VTA1: variants seen among roughly 807,000 people sequenced by gnomAD.
The protein encoded by VTA1 is vesicle trafficking 1, also known as vacuolar protein sorting-associated protein VTA1 homolog.
In VTA1, 24 loss-of-function variants were observed where a neutral mutation model predicts 36.9. That is an observed-to-expected ratio of 0.65 (90% CI 0.47 to 0.91). The LOEUF is 0.91. VTA1 is among the 40% of genes least tolerant of loss of function. The pLI is 0.00. For synonymous variants in VTA1, 142 were observed against 130.2 expected, an observed-to-expected ratio of 1.09 and a Z score of -0.62; for missense variants, 393 against 377.2, an observed-to-expected ratio of 1.04 and a Z score of -0.35.
At chr6:142,215,818 C>T (rs1056920261) in intron 7 of VTA1, among the ~76,000 whole-genome samples, 1 of 152,154 alleles carries the variant, frequency 6.6e-6, no homozygotes, top group East Asian at 1.9e-4. Flanking sequence ...ACTGAGCACG[C>T]AGTGATTTTT....
rs1396608481 is a variant in VTA1, at chr6:142,222,623, C to CT, written c.*3981dup. On this transcript the variant is annotated 3_prime_UTR_variant, in exon 8 of 8. Transcript: ENST00000367630. Reference sequence around the variant, plus strand: ...CAGCATTGTACAAATATTTTCAACTCTAAAAGAATAATAGCTAATGGAGTT... The same window carrying CT: ...CAGCATTGTACAAATATTTTCAACTCTTAAAAGAATAATAGCTAATGGAGTT... The CT allele has an allele frequency of 6.6e-6, 1 of 152,220 alleles. No homozygotes were observed. Among genetic ancestry groups the CT allele is most frequent in the East Asian group, 1.9e-4 (1 of 5,202 alleles). The allele number at this position is 152,220 out of a possible 1,614,324, so 9.4% of individuals were successfully genotyped here.
At chr6:142,192,702 T>G (rs1227293041) in intron 5 of VTA1, among the ~76,000 whole-genome samples, 1 of 149,236 alleles carries the variant, frequency 6.7e-6, no homozygotes, top group African/African-American at 2.5e-5. Flanking sequence ...TTTTATATAT[T>G]TGTGTGTGTG....
intron 1 of VTA1, among the ~76,000 whole-genome samples, chr6:142,160,170 G>GT (rs953624633): frequency 3.3e-5 from 5 of 151,996 alleles, no homozygotes; most frequent in Non-Finnish European, 7.4e-5. Flanking sequence ...TTGTTTTTTT[G>GT]TTTATTTTTA....
At chr6:142,157,870 G>GTT (rs11357585) in intron 1 of VTA1, among the ~76,000 whole-genome samples, 1 of 137,450 alleles carries the variant, frequency 7.3e-6, no homozygotes, top group Non-Finnish European at 1.6e-5. Flanking sequence ...ACTATTTTGG[G>GTT]TTTTTTTTTT....
At chr6:142,181,094 A>AAAAAAAATATATATATATATATATAT (rs1471429927) in intron 4 of VTA1, among the ~76,000 whole-genome samples, 2 of 36,440 alleles carry the variant, frequency 5.5e-5, no homozygotes, top group African/African-American at 7.6e-5. Flanking sequence ...AAAAAAAAAA[A>AAAAAAAATATATATATATATATATAT]ATATATATAT....
intron 4 of VTA1, among the ~76,000 whole-genome samples, chr6:142,170,658 GAT>G (rs1266406272): frequency 1.3e-5 from 2 of 152,086 alleles, no homozygotes; most frequent in African/African-American, 4.8e-5. Context: ...TTTGAGACAG[GAT>G]ATTGCTCTGT....
intron 4 of VTA1, among the ~76,000 whole-genome samples, chr6:142,179,784 AGTTGAAT>A (rs1775192918): frequency 6.6e-6 from 1 of 152,228 alleles, no homozygotes; most frequent in Admixed American, 6.5e-5. Context: ...TTACTGCAGA[AGTTGAAT>A]GTTGAACTAT....
rs767183831 is a variant in VTA1 at position 142,218,664 on chromosome 6, A to G, written c.*21A>G. On this transcript the variant is annotated 3_prime_UTR_variant, in exon 8 of 8. Coordinates refer to ENST00000367630, the MANE Select transcript of VTA1 (RefSeq NM_016485.5). ...AATGAAGCCTTTGTATGACAGACCC[A>G]TGTATTTTTGGCATGAGGAACTAAC... 121 of 1,587,258 alleles carry G rather than the reference A, an allele frequency of 7.6e-5. No homozygotes were observed. The highest frequency in any genetic ancestry group is 7.0e-4 in the South Asian group (60 of 85,916).
intron 7 of VTA1, among the ~76,000 whole-genome samples, chr6:142,216,913 A>G (rs1242583158): frequency 6.6e-6 from 1 of 152,196 alleles, no homozygotes; most frequent in South Asian, 2.1e-4. Flanking sequence ...AAGCACAAAA[A>G]GTAGCGTTAA....
At chr6:142,165,489 T>A (rs1289405002) in intron 1 of VTA1, among the ~76,000 whole-genome samples, 1 of 152,214 alleles carries the variant, frequency 6.6e-6, no homozygotes, top group Non-Finnish European at 1.5e-5. Context: ...ACAGTTGTAA[T>A]GAAAATTTGA....
chr6:142,158,514 AGTT>A (rs1319110993), intron 1 of VTA1, among the ~76,000 whole-genome samples: 1 of 152,238 alleles, frequency 6.6e-6, no homozygotes, highest in Non-Finnish European at 1.5e-5. Context: ...GTTATTATCA[AGTT>A]ATTATTATTC....
At chr6:142,210,690 T>A (rs931279905) in intron 7 of VTA1, among the ~76,000 whole-genome samples, 1 of 152,210 alleles carries the variant, frequency 6.6e-6, no homozygotes, top group African/African-American at 2.4e-5. Context: ...AAAATCACAT[T>A]GCATTATCAT....
intron 4 of VTA1, among the ~76,000 whole-genome samples, chr6:142,180,513 AATT>A (rs1775206753): frequency 6.6e-6 from 1 of 152,234 alleles, no homozygotes; most frequent in Non-Finnish European, 1.5e-5. Flanking sequence ...GATAAAATTA[AATT>A]ATTAGTGGGC....
chr6:142,172,785 G>A (rs929735326), intron 4 of VTA1, among the ~76,000 whole-genome samples: 1 of 152,142 alleles, frequency 6.6e-6, no homozygotes, highest in African/African-American at 2.4e-5. Flanking sequence ...GTACCAGGTA[G>A]GTGAAGAAGA....
intron 4 of VTA1, among the ~76,000 whole-genome samples, chr6:142,172,042 C>T (rs1284531355): frequency 3.9e-5 from 6 of 152,146 alleles, no homozygotes; most frequent in South Asian, 2.1e-4. Flanking sequence ...CTGAGTCTCT[C>T]GCTCTGTCAC....
chr6:142,148,079 A>G (rs997870644), intron 1 of VTA1, among the ~76,000 whole-genome samples: 1 of 152,248 alleles, frequency 6.6e-6, no homozygotes, highest in Non-Finnish European at 1.5e-5. Context: ...TCAAACTTGT[A>G]GTGAGTAAAG....
chr6:142,181,968 G>A (rs1426421249), intron 4 of VTA1, among the ~76,000 whole-genome samples: 1 of 152,154 alleles, frequency 6.6e-6, no homozygotes, highest in Admixed American at 6.5e-5. Context: ...TGTTTAATAT[G>A]TTTTTCAAGC....
At chr6:142,157,360 A>G (rs2114632325) in intron 1 of VTA1, among the ~76,000 whole-genome samples, 1 of 152,270 alleles carries the variant, frequency 6.6e-6, no homozygotes, top group East Asian at 1.9e-4. Context: ...TTTTTTATTA[A>G]TAAGCTTTCT....
At chr6:142,188,225 C>CT (rs200348683) in intron 4 of VTA1, among the ~76,000 whole-genome samples, 6,872 of 78,660 alleles carry the variant, frequency 0.087, 1,382 homozygotes, top group Non-Finnish European at 0.11. Context: ...TTCTTTATTT[C>CT]TTTTTTTTTT....
Sources: allele counts gnomAD v4.1 joint callset (sites outside exome capture counted in the v4.1 genomes callset), GRCh38; gene constraint gnomAD v4.1.1; transcripts MANE v1.5; gene names NCBI Gene and HGNC (gene_info 2026-07-23, HGNC 2026-07-21).